PTPRD: variants seen among roughly 807,000 people sequenced by gnomAD.
The protein encoded by PTPRD is receptor-type tyrosine-protein phosphatase delta.
In PTPRD, 34 loss-of-function variants were observed where a neutral mutation model predicts 214.5. The observed-to-expected ratio is 0.16, with a 90% confidence interval of 0.12 to 0.21. PTPRD has a LOEUF of 0.21. PTPRD is among the 10% of genes least tolerant of loss of function. The pLI is 1.00. For synonymous variants in PTPRD, 1,128 were observed against 845.7 expected (o/e 1.33, Z -5.79); for missense variants, 2,545 against 2,398.7 (o/e 1.06, Z -1.27).
At chr9:9,169,599 G>A (rs2099910671) in intron 10 of PTPRD, among the ~76,000 whole-genome samples, 1 of 152,012 alleles carries the variant, frequency 6.6e-6, no homozygotes, top group African/African-American at 2.4e-5. Flanking sequence ...TTACATATAT[G>A]GTGATACACA....
intron 11 of PTPRD, among the ~76,000 whole-genome samples, chr9:8,955,010 A>C (rs7852703): frequency 0.45 from 68,091 of 151,566 alleles, 16,600 homozygotes; most frequent in Non-Finnish European, 0.56. Context: ...TGTACTTTTA[A>C]AATGATATTG....
chr9:10,474,866 A>G (rs2099052909), intron 2 of PTPRD, among the ~76,000 whole-genome samples: 1 of 152,144 alleles, frequency 6.6e-6, no homozygotes, highest in Admixed American at 6.6e-5. Flanking sequence ...AAACTGAACA[A>G]CCTGCTCCTG....
chr9:8,750,328 T>C (rs1457888783), intron 11 of PTPRD, among the ~76,000 whole-genome samples: 2 of 151,744 alleles, frequency 1.3e-5, no homozygotes, highest in African/African-American at 4.8e-5. Context: ...CGGCTAATTT[T>C]TGTATTTTTA....
At chr9:10,560,019 G>C (rs2063510202) in intron 2 of PTPRD, among the ~76,000 whole-genome samples, 1 of 152,096 alleles carries the variant, frequency 6.6e-6, no homozygotes, top group Non-Finnish European at 1.5e-5. Context: ...CAGGGATCTA[G>C]AACTAGAAAT....
intron 12 of PTPRD, among the ~76,000 whole-genome samples, chr9:8,702,795 G>A (rs775761353): frequency 6.6e-6 from 1 of 152,188 alleles, no homozygotes; most frequent in Non-Finnish European, 1.5e-5. Context: ...TTTTAGTAAA[G>A]ACGGGGTTTC....
chr9:8,843,550 G>C (rs1384193264), intron 11 of PTPRD, among the ~76,000 whole-genome samples: 1 of 152,148 alleles, frequency 6.6e-6, no homozygotes, highest in African/African-American at 2.4e-5. Context: ...GCTACATGTG[G>C]TTATTAACCA....
chr9:10,221,751 AAATT>A (rs2099571895), intron 3 of PTPRD, among the ~76,000 whole-genome samples: 1 of 151,990 alleles, frequency 6.6e-6, no homozygotes, highest in Admixed American at 6.6e-5. Flanking sequence ...TATAGCAACT[AAATT>A]ATTAAACTAG....
intron 5 of PTPRD, among the ~76,000 whole-genome samples, chr9:9,889,515 T>C (rs1418564903): frequency 6.6e-6 from 1 of 152,138 alleles, no homozygotes; most frequent in Non-Finnish European, 1.5e-5. Flanking sequence ...ATGAAGACTA[T>C]TATGAGCCCA....
rs115990085 is a variant in PTPRD at position 9,459,250 on chromosome 9, T to C, written c.-236-61768A>G. On this transcript the variant is annotated intron_variant, in intron 8 of 45. Coordinates refer to ENST00000381196, the MANE Select transcript of PTPRD (RefSeq NM_002839.4). ...CAACCAAGGAACCCATACATCATACTGAATGGGGAAAAGCTGAAAGCATTC... is the reference window on the plus strand; with the variant it reads ...CAACCAAGGAACCCATACATCATACCGAATGGGGAAAAGCTGAAAGCATTC... Among the ~76,000 whole-genome samples, 565 of 152,120 alleles carry C rather than the reference T, an allele frequency of 3.7e-3. 2 individuals are homozygous for C. Among genetic ancestry groups the C allele is most frequent in the African/African-American group, 0.013 (531 of 41,522 alleles).
chr9:9,568,590 A>C (rs1166653191), intron 8 of PTPRD, among the ~76,000 whole-genome samples: 2 of 151,948 alleles, frequency 1.3e-5, no homozygotes, highest in Non-Finnish European at 2.9e-5. Context: ...TATGCTACTT[A>C]CAACTCACTG....
intron 11 of PTPRD, among the ~76,000 whole-genome samples, chr9:8,989,476 G>C (rs894211544): frequency 2.6e-5 from 4 of 152,120 alleles, no homozygotes; most frequent in African/African-American, 9.6e-5. Context: ...ACTGTGCCTG[G>C]TTTATTTCAC....
chr9:9,893,551 A>C lies in PTPRD; in HGVS notation c.-368+44956T>G, dbSNP rs151089653. 7.7e-3 allele frequency among the ~76,000 whole-genome samples: 1,175 copies of C among 152,302 alleles called. 15 individuals carry two copies. The highest frequency in any genetic ancestry group is 0.027 in the African/African-American group (1,124 of 41,580). ...GTAGGAAATATAAAAGTTTATATAT[A>C]ATTCATGTAATGGTTAATAGTAACT... On this transcript the variant is annotated intron_variant, in intron 5 of 45. Coordinates refer to ENST00000381196, the MANE Select transcript of PTPRD (RefSeq NM_002839.4).
At chr9:10,003,318 A>G (rs57881844) in intron 4 of PTPRD, among the ~76,000 whole-genome samples, 3,653 of 151,946 alleles carry the variant, frequency 0.024, 162 homozygotes, top group African/African-American at 0.083. Flanking sequence ...AGATACTTAG[A>G]TTTCATAAAT....
chr9:9,308,486 C>A (rs1185738156), intron 9 of PTPRD, among the ~76,000 whole-genome samples: 1 of 152,124 alleles, frequency 6.6e-6, no homozygotes, highest in African/African-American at 2.4e-5. Context: ...GAGAATAAAT[C>A]ATTGGAAAGA....
At chr9:8,762,482 T>A (rs1193063735) in intron 11 of PTPRD, among the ~76,000 whole-genome samples, 1 of 152,170 alleles carries the variant, frequency 6.6e-6, no homozygotes. Context: ...TTAATTTAAT[T>A]CAATTTCAAG....
rs141622586 is a variant in PTPRD, at chr9:9,339,707, G to A, written c.-203+57742C>T. On this transcript the variant is annotated intron_variant, in intron 9 of 45. Coordinates refer to ENST00000381196, the MANE Select transcript of PTPRD (RefSeq NM_002839.4). ...GAATAGCTACTGAATATTTGCTTAC[G>A]TAAGTAATTGTACAGTTGTTTCTCA... is the stretch of plus-strand genomic sequence containing the variant. 4.6e-5 allele frequency among the ~76,000 whole-genome samples: 7 copies of A among 152,110 alleles called. No homozygotes were observed. The South Asian group carries it at 8.3e-4, about 18-fold the overall frequency.
chr9:8,933,857 A>C (rs76831132), intron 11 of PTPRD, among the ~76,000 whole-genome samples: 127 of 152,294 alleles, frequency 8.3e-4, no homozygotes, highest in African/African-American at 2.7e-3. Flanking sequence ...ATTAATGGTC[A>C]AAAGTTTAAC....
At chr9:8,405,744 A>G (rs1345728507) in intron 35 of PTPRD, among the ~76,000 whole-genome samples, 2 of 152,138 alleles carry the variant, frequency 1.3e-5, no homozygotes, top group Admixed American at 1.3e-4. Flanking sequence ...TACCCAGGTA[A>G]TTTTTTTAAA....
chr9:9,535,384 G>C (rs916999495), intron 8 of PTPRD, among the ~76,000 whole-genome samples: 3 of 152,174 alleles, frequency 2.0e-5, no homozygotes, highest in Non-Finnish European at 2.9e-5. Flanking sequence ...CATAACACAT[G>C]AACTTCATTG....
Sources: allele counts gnomAD v4.1 joint callset (sites outside exome capture counted in the v4.1 genomes callset), GRCh38; gene constraint gnomAD v4.1.1; transcripts MANE v1.5; gene names NCBI Gene and HGNC (gene_info 2026-07-23, HGNC 2026-07-21).